The following DLG2 variants were observed in gnomAD, a reference collection of about 807,000 sequenced individuals.
DLG2 encodes discs large MAGUK scaffold protein 2, also known as disks large homolog 2.
In DLG2, 45 loss-of-function variants were observed where a neutral mutation model predicts 132.5. The observed-to-expected ratio is 0.34, with a 90% CI of 0.27 to 0.44. The LOEUF (loss-of-function observed/expected upper bound fraction) is 0.44, where lower values mean the gene tolerates loss of function less well. Among genes scored for constraint, DLG2 ranks in the 20% least tolerant of loss-of-function variants. DLG2 has a pLI of 1.00. For missense variants in DLG2, 1,045 were observed against 1,196.9 expected, an observed-to-expected ratio of 0.87 and a Z score of 1.87; for synonymous variants, 424 against 419.6, an observed-to-expected ratio of 1.01 and a Z score of -0.13.
At chr11:84,658,599 T>G (rs1331796986) in intron 6 of DLG2, among the ~76,000 whole-genome samples, 7 of 152,152 alleles carry the variant, frequency 4.6e-5, no homozygotes, top group Non-Finnish European at 1.0e-4. Context: ...ATGAATGATT[T>G]GGTGATCTCC....
At chr11:83,629,757 C>G (rs1307578806) in intron 19 of DLG2, among the ~76,000 whole-genome samples, 1 of 152,086 alleles carries the variant, frequency 6.6e-6, no homozygotes, top group Non-Finnish European at 1.5e-5. Flanking sequence ...TCTTCCAAGG[C>G]AGTGAACGAG....
In DLG2 at chr11:83,962,874, G is replaced by T; in HGVS notation, c.1340+11C>A. On this transcript the variant is annotated intron_variant, in intron 14 of 27. Coordinates refer to ENST00000376104, the MANE Select transcript of DLG2 (RefSeq NM_001142699.3). ...AAGAGCAAATCCAATTAACTAACAG[G>T]CATATCTGACCTGGTGTAGTCGTCG... The T allele has an allele frequency of 6.2e-7, 1 of 1,611,896 alleles. No homozygotes were observed. The highest frequency in any genetic ancestry group is 1.1e-5 in the South Asian group (1 of 90,850).
At chr11:83,848,267 C>T (rs2059023709) in intron 16 of DLG2, among the ~76,000 whole-genome samples, 1 of 152,084 alleles carries the variant, frequency 6.6e-6, no homozygotes, top group Non-Finnish European at 1.5e-5. Context: ...GGGCCTCTAG[C>T]ATCTAGTCTA....
intron 22 of DLG2, chr11:83,483,125 G>T (rs2093255520): frequency 1.3e-6 from 1 of 749,532 alleles, no homozygotes; most frequent in East Asian, 2.6e-5. Flanking sequence ...TTCACAGCTA[G>T]GTAACAAATA....
chr11:84,540,071 C>T (rs1227844770), intron 6 of DLG2, among the ~76,000 whole-genome samples: 1 of 152,106 alleles, frequency 6.6e-6, no homozygotes, highest in Non-Finnish European at 1.5e-5. Context: ...AATGTTAGAC[C>T]TAAAACCATA....
At chr11:85,593,466 T>C (rs1376145406) in intron 3 of DLG2, among the ~76,000 whole-genome samples, 1 of 152,150 alleles carries the variant, frequency 6.6e-6, no homozygotes, top group Non-Finnish European at 1.5e-5. Context: ...AGTTCACAGG[T>C]GACTAGTGCT....
chr11:83,710,621 T>C (rs1315413457), intron 18 of DLG2, among the ~76,000 whole-genome samples: 2 of 152,180 alleles, frequency 1.3e-5, no homozygotes, highest in African/African-American at 4.8e-5. Context: ...ATATAGTTCA[T>C]ATAACATGTT....
intron 2 of DLG2, among the ~76,000 whole-genome samples, chr11:85,622,876 G>A (rs2081817901): frequency 6.6e-6 from 1 of 152,070 alleles, no homozygotes; most frequent in Non-Finnish European, 1.5e-5. Flanking sequence ...TGGCCAACAT[G>A]GTGAAACCCT....
chr11:83,466,397 C>A (rs1487841018), intron 26 of DLG2, among the ~76,000 whole-genome samples: 1 of 151,976 alleles, frequency 6.6e-6, no homozygotes, highest in Non-Finnish European at 1.5e-5. Flanking sequence ...ACAACAACAA[C>A]AAAACCTCAA....
At chr11:85,561,579 A>G (rs768306647) in intron 3 of DLG2, among the ~76,000 whole-genome samples, 1 of 151,782 alleles carries the variant, frequency 6.6e-6, no homozygotes, top group Non-Finnish European at 1.5e-5. Flanking sequence ...GAAGGCAAGA[A>G]GCATGTTTGG....
intron 8 of DLG2, among the ~76,000 whole-genome samples, chr11:84,225,645 C>T (rs1008536799): frequency 8.5e-5 from 13 of 152,134 alleles, no homozygotes; most frequent in African/African-American, 2.9e-4. Context: ...TCCTCCCTAT[C>T]GTGTCCTTTT....
intron 6 of DLG2, among the ~76,000 whole-genome samples, chr11:84,646,826 C>T (rs1462258758): frequency 1.3e-5 from 2 of 152,090 alleles, no homozygotes; most frequent in Non-Finnish European, 2.9e-5. Context: ...ATATGATAAG[C>T]GCTGTGCTGG....
chr11:84,265,999 C>T (rs765260514), intron 7 of DLG2, among the ~76,000 whole-genome samples: 21 of 151,952 alleles, frequency 1.4e-4, no homozygotes, highest in East Asian at 1.3e-3. Flanking sequence ...ATAAGCTTGG[C>T]GTTCTATTTT....
In DLG2 at chr11:84,135,270, T is replaced by C. The variant is rs868216114; in HGVS notation, c.624+28191A>G. Among the ~76,000 whole-genome samples, 7 of 152,188 alleles carry C rather than the reference T, an allele frequency of 4.6e-5. No individual in the cohort carries two copies. The South Asian group carries it at 1.2e-3, about 27-fold the overall frequency. On this transcript the variant is annotated intron_variant, in intron 9 of 27. Transcript: ENST00000376104. ...TTTAATTCCCTGACTAGGTAGAATC[T>C]AGATGGAAAATTTTCACCCATAAAT...
chr11:84,457,789 A>C (rs557819227), intron 7 of DLG2, among the ~76,000 whole-genome samples: 2 of 151,118 alleles, frequency 1.3e-5, no homozygotes, highest in Non-Finnish European at 3.0e-5. Flanking sequence ...TTTATAATTA[A>C]ATTCGTGCAA....
intron 6 of DLG2, among the ~76,000 whole-genome samples, chr11:84,818,146 C>T (rs2077269752): frequency 6.6e-6 from 1 of 151,992 alleles, no homozygotes; most frequent in South Asian, 2.1e-4. Context: ...AGAATGACTT[C>T]AAGGCACACT....
At chr11:83,472,641 C>A in intron 23 of DLG2, 86 bp downstream of exon 23, 1 of 1,196,560 alleles carries the variant, frequency 8.4e-7, no homozygotes, top group South Asian at 1.3e-5. Context: ...AGTTTATTCT[C>A]CTTAGTCCTT....
chr11:83,560,118 C>CA (rs1156986297), intron 19 of DLG2, among the ~76,000 whole-genome samples: 16 of 143,674 alleles, frequency 1.1e-4, no homozygotes, highest in Non-Finnish European at 1.7e-4. Context: ...CTGAACTTTG[C>CA]TTTTTTTTTT....
intron 7 of DLG2, among the ~76,000 whole-genome samples, chr11:84,409,915 C>T (rs1198743949): frequency 6.6e-6 from 1 of 152,186 alleles, no homozygotes; most frequent in Non-Finnish European, 1.5e-5. Flanking sequence ...CTTCTAATCT[C>T]TCCCTTCTTG....
Sources: gnomAD v4.1 joint callset for allele counts (sites outside exome capture counted in the v4.1 genomes callset) on GRCh38, gnomAD v4.1.1 for gene constraint, MANE v1.5 for transcripts, NCBI Gene and HGNC (gene_info 2026-07-23, HGNC 2026-07-21) for gene names.